Variants in C10orf90 observed in about 807,000 individuals in gnomAD.
C10orf90 encodes the protein chromosome 10 open reading frame 90.
C10orf90 carries 56 observed loss-of-function variants against 62.5 expected under a neutral mutation model. The observed-to-expected ratio is 0.90, with a 90% CI of 0.72 to 1.12. The LOEUF is 1.12. C10orf90 is among the 50% of genes most tolerant of loss of function. The probability of loss-of-function intolerance (pLI) is 0.00; values close to 1 mark genes in which losing one functional copy is unlikely to be tolerated. For missense variants in C10orf90, 970 were observed against 880.4 expected (o/e 1.10, Z -1.29); for synonymous variants, 386 against 340.4 (o/e 1.13, Z -1.47).
intron 2 of C10orf90, among the ~76,000 whole-genome samples, chr10:126,630,396 G>T (rs1424159844): frequency 1.3e-5 from 2 of 152,170 alleles, no homozygotes; most frequent in Non-Finnish European, 2.9e-5. Flanking sequence ...AGGGAGAGGT[G>T]ACCATGCTGA....
In C10orf90 at chr10:126,452,395, A is replaced by T. The variant is rs555680547; in HGVS notation, c.2188+6645T>A. On this transcript the variant is annotated intron_variant, in intron 7 of 9. Coordinates refer to ENST00000488181, the MANE Select transcript of C10orf90 (RefSeq NM_001350921.2). Reference sequence around the variant, plus strand: ...TCCAGGGTTTCCCAGCATTTTTTAGAGAACCATAAAATATGGCGATTTATA... The same window carrying T: ...TCCAGGGTTTCCCAGCATTTTTTAGTGAACCATAAAATATGGCGATTTATA... Among the ~76,000 whole-genome samples, 372 of 152,280 alleles carry T rather than the reference A, an allele frequency of 2.4e-3. 2 individuals are homozygous for T. The highest frequency in any genetic ancestry group is 4.8e-3 in the Non-Finnish European group (328 of 68,006).
intron 1 of C10orf90, among the ~76,000 whole-genome samples, chr10:126,653,829 C>T (rs1434336566): frequency 6.6e-6 from 1 of 152,108 alleles, no homozygotes; most frequent in South Asian, 2.1e-4. Flanking sequence ...GCTTGAATGT[C>T]GAAATTAATT....
chr10:126,562,955 C>T (rs1405959266), intron 2 of C10orf90, among the ~76,000 whole-genome samples: 1 of 152,236 alleles, frequency 6.6e-6, no homozygotes, highest in Non-Finnish European at 1.5e-5. Flanking sequence ...TGGCATGCTG[C>T]CACCCACTCT....
intron 8 of C10orf90, among the ~76,000 whole-genome samples, chr10:126,428,613 T>C (rs2133977787): frequency 6.6e-6 from 1 of 152,250 alleles, no homozygotes; most frequent in Admixed American, 6.5e-5. Flanking sequence ...AGTAAAATGA[T>C]AGGGCAATAC....
intron 2 of C10orf90, among the ~76,000 whole-genome samples, chr10:126,624,828 A>G (rs1845711686): frequency 6.6e-6 from 1 of 152,128 alleles, no homozygotes; most frequent in Admixed American, 6.5e-5. Context: ...GCAGGCATCC[A>G]TATTTCTTCC....
intron 2 of C10orf90, among the ~76,000 whole-genome samples, chr10:126,519,387 C>T (rs1407102636): frequency 6.6e-6 from 1 of 152,172 alleles, no homozygotes; most frequent in Admixed American, 6.5e-5. Flanking sequence ...CAGACAAGCA[C>T]CATCATGTAT....
rs79608306 is a variant in C10orf90 at position 126,630,019 on chromosome 10, A to G, written c.313+16546T>C. 1.3e-3 allele frequency among the ~76,000 whole-genome samples: 195 copies of G among 152,292 alleles called. 2 individuals are homozygous for G. The Middle Eastern group carries it at 0.027, about 21-fold the overall frequency. ...TTTTATCCTGCATTAACTATATGAC[A>G]TTGCTCATATTTCTTTCCTCTTAAA... On this transcript the variant is annotated intron_variant, in intron 2 of 9. Transcript: ENST00000488181.
intron 2 of C10orf90, among the ~76,000 whole-genome samples, chr10:126,592,073 C>T (rs1336455832): frequency 6.6e-6 from 1 of 152,158 alleles, no homozygotes; most frequent in African/African-American, 2.4e-5. Context: ...GAAAAACATT[C>T]CATGCTCATG....
chr10:126,558,619 T>C (rs1198485222), intron 2 of C10orf90, among the ~76,000 whole-genome samples: 1 of 152,252 alleles, frequency 6.6e-6, no homozygotes, highest in Non-Finnish European at 1.5e-5. Flanking sequence ...AGGCCTTTCT[T>C]GAGCCTCCAC....
At chr10:126,585,024 T>C (rs1338049814) in intron 2 of C10orf90, among the ~76,000 whole-genome samples, 2 of 151,984 alleles carry the variant, frequency 1.3e-5, no homozygotes, top group Non-Finnish European at 2.9e-5. Flanking sequence ...TACCGTGATA[T>C]CAGATTTCGA....
At chr10:126,468,016 A>G (rs79299536) in intron 4 of C10orf90, among the ~76,000 whole-genome samples, 2,444 of 151,546 alleles carry the variant, frequency 0.016, 75 homozygotes, top group African/African-American at 0.056. Flanking sequence ...TTTCCCACCT[A>G]TGTAGGTACC....
chr10:126,587,640 C>A (rs1275091580), intron 2 of C10orf90, among the ~76,000 whole-genome samples: 6 of 152,186 alleles, frequency 3.9e-5, no homozygotes. Flanking sequence ...CAAGGTGGCA[C>A]AATTCAGCCC....
chr10:126,667,866 C>T (rs192737110), intron 1 of C10orf90, among the ~76,000 whole-genome samples: 2 of 152,246 alleles, frequency 1.3e-5, no homozygotes, highest in Admixed American at 1.3e-4. Context: ...GAGTTTGGGG[C>T]ATTTTTAGAG....
At chr10:126,536,303 G>A (rs115382840) in intron 2 of C10orf90, among the ~76,000 whole-genome samples, 1,676 of 152,286 alleles carry the variant, frequency 0.011, 36 homozygotes, top group African/African-American at 0.038. Flanking sequence ...TCCCTGTCAT[G>A]GTAAAACACA....
chr10:126,446,174 T>A (rs1031414286), intron 7 of C10orf90, among the ~76,000 whole-genome samples: 6 of 152,118 alleles, frequency 3.9e-5, no homozygotes, highest in African/African-American at 1.2e-4. Context: ...TCTTTTTTTT[T>A]AAAGAAGTTT....
chr10:126,443,388 C>G (rs1858524629), intron 7 of C10orf90, among the ~76,000 whole-genome samples: 1 of 152,058 alleles, frequency 6.6e-6, no homozygotes, highest in Admixed American at 6.6e-5. Context: ...CAATGAACAC[C>G]TTTACGTGTA....
At chr10:126,559,370 T>C (rs977005509) in intron 2 of C10orf90, among the ~76,000 whole-genome samples, 11 of 152,224 alleles carry the variant, frequency 7.2e-5, no homozygotes, top group African/African-American at 2.2e-4. Flanking sequence ...ATGGCTCAGC[T>C]TTTTTATGGA....
At chr10:126,507,507 A>T (rs533501516) in intron 3 of C10orf90, among the ~76,000 whole-genome samples, 6 of 151,884 alleles carry the variant, frequency 4.0e-5, no homozygotes, top group Non-Finnish European at 8.8e-5. Flanking sequence ...TTCCAAAAAA[A>T]AAAAAAAAGG....
intron 7 of C10orf90, among the ~76,000 whole-genome samples, chr10:126,451,467 G>A (rs1026480420): frequency 6.6e-6 from 1 of 152,052 alleles, no homozygotes; most frequent in Non-Finnish European, 1.5e-5. Flanking sequence ...AATGTAGTGT[G>A]TGTATATGTG....
Sources: gnomAD v4.1 joint callset for allele counts (sites outside exome capture counted in the v4.1 genomes callset) on GRCh38, gnomAD v4.1.1 for gene constraint, MANE v1.5 for transcripts, NCBI Gene and HGNC (gene_info 2026-07-23, HGNC 2026-07-21) for gene names.